The following COX7B2 variants were observed in gnomAD, a reference collection of about 807,000 sequenced individuals.
COX7B2 encodes cytochrome c oxidase subunit 7B2, mitochondrial.
For missense variants in COX7B2, 109 were observed against 95.9 expected, an observed-to-expected ratio of 1.14 and a Z score of -0.57; for synonymous variants, 37 against 32.1, an observed-to-expected ratio of 1.15 and a Z score of -0.51.
At chr4:46,867,292 C>A (rs760827023) in intron 1 of COX7B2, among the ~76,000 whole-genome samples, 24 of 152,138 alleles carry the variant, frequency 1.6e-4, no homozygotes, top group Non-Finnish European at 2.9e-4. Flanking sequence ...ATCCCTTTAA[C>A]ATTAAGGAGT....
At chr4:46,813,205 A>G (rs1719375478) in intron 2 of COX7B2, among the ~76,000 whole-genome samples, 1 of 152,172 alleles carries the variant, frequency 6.6e-6, no homozygotes, top group Non-Finnish European at 1.5e-5. Context: ...ATAATATTCA[A>G]TTGTGTATGT....
intron 2 of COX7B2, among the ~76,000 whole-genome samples, chr4:46,757,915 G>A (rs558548555): frequency 6.6e-6 from 1 of 152,260 alleles, no homozygotes; most frequent in African/African-American, 2.4e-5. Flanking sequence ...TGTGACTGGG[G>A]CATCATGTGG....
At chr4:46,884,691 T>C (rs1270134569) in intron 1 of COX7B2, among the ~76,000 whole-genome samples, 1 of 152,208 alleles carries the variant, frequency 6.6e-6, no homozygotes, top group Non-Finnish European at 1.5e-5. Flanking sequence ...TTTGGCTCCT[T>C]TTATTGCTCT....
At chr4:46,851,188 A>G (rs1008123642) in intron 1 of COX7B2, among the ~76,000 whole-genome samples, 1 of 152,062 alleles carries the variant, frequency 6.6e-6, no homozygotes, top group Non-Finnish European at 1.5e-5. Flanking sequence ...TGTAACAAGA[A>G]AACACCTTTG....
At chr4:46,803,976 T>C (rs1209604835) in intron 2 of COX7B2, among the ~76,000 whole-genome samples, 1 of 152,100 alleles carries the variant, frequency 6.6e-6, no homozygotes, top group East Asian at 1.9e-4. Context: ...TGCGGACCCT[T>C]GCAGTGTTAC....
chr4:46,858,813 T>C (rs1577665691), intron 1 of COX7B2, among the ~76,000 whole-genome samples: 1 of 152,140 alleles, frequency 6.6e-6, no homozygotes, highest in African/African-American at 2.4e-5. Flanking sequence ...TCTTCAGACA[T>C]ATAAGGAAAT....
intron 2 of COX7B2, among the ~76,000 whole-genome samples, chr4:46,830,841 G>A: frequency 6.6e-6 from 1 of 152,220 alleles, no homozygotes. Flanking sequence ...TCTCACAAGA[G>A]GCAAAGTATG....
chr4:46,785,513 C>T (rs1351873481), intron 2 of COX7B2, among the ~76,000 whole-genome samples: 2 of 152,052 alleles, frequency 1.3e-5, no homozygotes, highest in South Asian at 2.1e-4. Context: ...GCTGGGACTA[C>T]AGGCACCCGC....
At position 46,735,372 on chromosome 4, in the gene COX7B2, T is replaced by C. The variant is rs137875407; in HGVS notation, c.-49-131A>G. 2.9e-3 allele frequency: 1,930 copies of C among 659,380 alleles called. 34 individuals are homozygous for C. In the African/African-American group the frequency reaches 0.033, roughly 11 times the overall value. The allele number at this position is 659,380 out of a possible 1,614,324, so 40.8% of individuals were successfully genotyped here. On this transcript the variant is annotated intron_variant, in intron 2 of 2. Transcript: ENST00000355591. ...GTTTTGATATAACAATATCTGAATTTGAATCCCAGCTTTGCCACCGATTAG... is the reference window on the plus strand; with the variant it reads ...GTTTTGATATAACAATATCTGAATTCGAATCCCAGCTTTGCCACCGATTAG...
chr4:46,804,865 C>T (rs550670354), intron 2 of COX7B2, among the ~76,000 whole-genome samples: 1,905 of 152,316 alleles, frequency 0.013, 32 homozygotes, highest in African/African-American at 0.044. Context: ...TGGGACTGGG[C>T]ACCGTGGAGC....
chr4:46,846,382 C>T (rs918604571), intron 1 of COX7B2, among the ~76,000 whole-genome samples: 1 of 150,644 alleles, frequency 6.6e-6, no homozygotes, highest in Non-Finnish European at 1.5e-5. Flanking sequence ...ATTATAAGTA[C>T]AGGAAAAAAA....
chr4:46,768,313 C>A (rs1051243102), intron 2 of COX7B2, among the ~76,000 whole-genome samples: 13 of 152,156 alleles, frequency 8.5e-5, no homozygotes, highest in Non-Finnish European at 1.5e-4. Flanking sequence ...TGGAGTTCAG[C>A]CGTCCCCACG....
chr4:46,820,223 C>T lies in COX7B2; in HGVS notation c.-50+24737G>A, dbSNP rs560025756. ...CTAGATGGTCCCATCTGGGGGAGAT[C>T]GGAAACAGTGACCTATTATCAGGCA... On this transcript the variant is annotated intron_variant, in intron 2 of 2. Coordinates refer to ENST00000355591, the MANE Select transcript of COX7B2 (RefSeq NM_130902.3). Among the ~76,000 whole-genome samples the T allele has an allele frequency of 3.3e-4, 50 of 152,202 alleles. 1 individual carries two copies. Among genetic ancestry groups the T allele is most frequent in the African/African-American group, 8.9e-4 (37 of 41,528 alleles).
At chr4:46,816,547 T>A (rs1719559690) in intron 2 of COX7B2, among the ~76,000 whole-genome samples, 1 of 152,220 alleles carries the variant, frequency 6.6e-6, no homozygotes, top group African/African-American at 2.4e-5. Flanking sequence ...CATCATAAAA[T>A]TATAATTTGT....
intron 2 of COX7B2, among the ~76,000 whole-genome samples, chr4:46,798,080 G>A (rs1718456388): frequency 1.3e-5 from 2 of 152,148 alleles, no homozygotes; most frequent in Admixed American, 1.3e-4. Flanking sequence ...TGGAACTAGT[G>A]AGCAAGAAAT....
intron 2 of COX7B2, among the ~76,000 whole-genome samples, chr4:46,741,314 G>A (rs557355063): frequency 1.4e-4 from 21 of 152,198 alleles, no homozygotes; most frequent in African/African-American, 5.1e-4. Context: ...ATAATTCTTT[G>A]TTGGAGAGGG....
chr4:46,778,501 G>A (rs1020029931), intron 2 of COX7B2, among the ~76,000 whole-genome samples: 1 of 152,036 alleles, frequency 6.6e-6, no homozygotes, highest in African/African-American at 2.4e-5. Flanking sequence ...CAACCAAGAT[G>A]TTCACTGACT....
intron 1 of COX7B2, among the ~76,000 whole-genome samples, chr4:46,902,362 C>T (rs1034070374): frequency 3.9e-5 from 6 of 152,184 alleles, no homozygotes; most frequent in African/African-American, 1.4e-4. Flanking sequence ...TAAAAGGAAA[C>T]ATCACAAAAA....
chr4:46,840,775 A>C (rs549318800), intron 2 of COX7B2, among the ~76,000 whole-genome samples: 1 of 152,160 alleles, frequency 6.6e-6, no homozygotes, highest in South Asian at 2.1e-4. Context: ...GCAGTAACAG[A>C]AGTGGACATA....
Sources: gnomAD v4.1 joint callset for allele counts (sites outside exome capture counted in the v4.1 genomes callset) on GRCh38, gnomAD v4.1.1 for gene constraint, MANE v1.5 for transcripts, NCBI Gene and HGNC (gene_info 2026-07-23, HGNC 2026-07-21) for gene names.